Variants in CATSPERT observed in about 807,000 individuals in gnomAD.
CATSPERT encodes catsper channel auxiliary subunit tau.
At chr2:201,537,322 A>C in the CATSPERT span, 1 of 832,640 alleles carries the variant, frequency 1.2e-6, no homozygotes, top group Admixed American at 2.8e-5. Context: ...ACCATAAAAC[A>C]ACTGAGTAAC....
At chr2:201,591,787 G>A in the CATSPERT span, among the ~76,000 whole-genome samples, 1 of 151,994 alleles carries the variant, frequency 6.6e-6, no homozygotes, top group East Asian at 1.9e-4. Context: ...CTCTCTGTTT[G>A]TCTGTTATTG....
chr2:201,530,590 G>T, the CATSPERT span, among the ~76,000 whole-genome samples: 12,505 of 152,154 alleles, frequency 0.082, 702 homozygotes, highest in African/African-American at 0.15. Context: ...AAAATTTAAT[G>T]CATGGAATTC....
At chr2:201,536,417 A>T in the CATSPERT span, 1 of 1,354,764 alleles carries the variant, frequency 7.4e-7, no homozygotes. Flanking sequence ...TTGTACCCTT[A>T]TCCTTTAGCA....
the CATSPERT span, among the ~76,000 whole-genome samples, chr2:201,612,700 A>G: frequency 6.6e-6 from 1 of 152,026 alleles, no homozygotes; most frequent in African/African-American, 2.4e-5. Context: ...TACTGGGTTC[A>G]TCTCACTGGG....
chr2:201,575,579 T>C, the CATSPERT span, among the ~76,000 whole-genome samples: 1 of 152,106 alleles, frequency 6.6e-6, no homozygotes, highest in Non-Finnish European at 1.5e-5. Flanking sequence ...CATTAGATTC[T>C]CATCAGAGCA....
At chr2:201,594,646 A>G in the CATSPERT span, among the ~76,000 whole-genome samples, 4 of 151,954 alleles carry the variant, frequency 2.6e-5, no homozygotes, top group Non-Finnish European at 5.9e-5. Context: ...CTTTTCACAT[A>G]GTCCCATATT....
At chr2:201,571,422 A>T in the CATSPERT span, among the ~76,000 whole-genome samples, 1 of 152,180 alleles carries the variant, frequency 6.6e-6, no homozygotes, top group African/African-American at 2.4e-5. Context: ...TTATTGTTGA[A>T]ATTTCAAGAT....
At chr2:201,493,082 T>C in the CATSPERT span, 6 of 1,533,602 alleles carry the variant, frequency 3.9e-6, no homozygotes, top group Non-Finnish European at 5.2e-6. Flanking sequence ...TGTCCTCTTC[T>C]TTCAGAATGA....
the CATSPERT span, among the ~76,000 whole-genome samples, chr2:201,490,136 C>T: frequency 6.6e-6 from 1 of 152,106 alleles, no homozygotes; most frequent in Non-Finnish European, 1.5e-5. Flanking sequence ...GGATTATAGG[C>T]GTGAGCCACC....
At chr2:201,581,433 C>CATATATATAT in the CATSPERT span, among the ~76,000 whole-genome samples, 4 of 77,166 alleles carry the variant, frequency 5.2e-5, no homozygotes, top group African/African-American at 2.2e-4. Flanking sequence ...TACTTAATTT[C>CATATATATAT]ATATATATAT....
At chr2:201,611,697 CA>C in the CATSPERT span, among the ~76,000 whole-genome samples, 4 of 149,690 alleles carry the variant, frequency 2.7e-5, no homozygotes, top group African/African-American at 7.4e-5. Context: ...TATCAACAGT[CA>C]AAAAAAAAAC....
At chr2:201,488,295 A>G in the CATSPERT span, among the ~76,000 whole-genome samples, 1 of 152,192 alleles carries the variant, frequency 6.6e-6, no homozygotes, top group African/African-American at 2.4e-5. Context: ...CTCTCCAACA[A>G]AATCTCTCTC....
chr2:201,498,151 A>T, the CATSPERT span, among the ~76,000 whole-genome samples: 2 of 152,172 alleles, frequency 1.3e-5, no homozygotes, highest in East Asian at 3.9e-4. Context: ...TATTAGGAAG[A>T]ATAGCGCACA....
At chr2:201,538,049 A>T in the CATSPERT span, among the ~76,000 whole-genome samples, 12 of 151,938 alleles carry the variant, frequency 7.9e-5, no homozygotes, top group African/African-American at 2.7e-4. Context: ...TTCACATGAG[A>T]CCTATCCTCT....
chr2:201,509,279 G>T, the CATSPERT span, among the ~76,000 whole-genome samples: 1 of 150,734 alleles, frequency 6.6e-6, no homozygotes, highest in Non-Finnish European at 1.5e-5. Context: ...ATGCTTATTG[G>T]CCATTTGTAT....
the CATSPERT span, among the ~76,000 whole-genome samples, chr2:201,585,166 A>G: frequency 1.3e-5 from 2 of 152,242 alleles, no homozygotes; most frequent in East Asian, 3.9e-4. Flanking sequence ...TCTCACTCAT[A>G]AGTGGGAGTT....
the CATSPERT span, among the ~76,000 whole-genome samples, chr2:201,578,698 A>C: frequency 6.6e-6 from 1 of 152,190 alleles, no homozygotes; most frequent in East Asian, 1.9e-4. Flanking sequence ...TTTGTATTTT[A>C]AAATATTAGC....
chr2:201,578,159 T>C, the CATSPERT span, among the ~76,000 whole-genome samples: 967 of 152,190 alleles, frequency 6.4e-3, 10 homozygotes, highest in African/African-American at 0.022. Flanking sequence ...CATACATAAG[T>C]AGTAAAGCTA....
At chr2:201,490,863 G>A in the CATSPERT span, among the ~76,000 whole-genome samples, 2 of 151,938 alleles carry the variant, frequency 1.3e-5, no homozygotes, top group Non-Finnish European at 2.9e-5. Context: ...AGCTGGGACT[G>A]CAGGCGCCCG....
Sources: gnomAD v4.1 joint callset for allele counts (sites outside exome capture counted in the v4.1 genomes callset) on GRCh38, gnomAD v4.1.1 for gene constraint, MANE v1.5 for transcripts, NCBI Gene and HGNC (gene_info 2026-07-23, HGNC 2026-07-21) for gene names.